Variants in CERS3 observed in about 807,000 individuals in gnomAD.
CERS3 encodes ceramide synthase 3.
In CERS3, 33 loss-of-function variants were observed where a neutral mutation model predicts 50.3. That is an observed-to-expected ratio of 0.66 (90% CI 0.50 to 0.88). CERS3 has a LOEUF of 0.88. CERS3 is among the 40% of genes least tolerant of loss of function. The pLI is 0.00. For missense variants in CERS3, 470 were observed against 460.3 expected, an observed-to-expected ratio of 1.02 and a Z score of -0.19; for synonymous variants, 176 against 155.2, an observed-to-expected ratio of 1.13 and a Z score of -0.99.
intron 2 of CERS3, among the ~76,000 whole-genome samples, chr15:100,507,788 A>ATT (rs1209737182): frequency 1.3e-5 from 2 of 152,246 alleles, no homozygotes; most frequent in African/African-American, 2.4e-5. Flanking sequence ...TCTGGAGCAG[A>ATT]CAATGCTATC....
chr15:100,511,069 T>A (rs1458504743), intron 2 of CERS3, among the ~76,000 whole-genome samples: 2 of 152,078 alleles, frequency 1.3e-5, no homozygotes, highest in Non-Finnish European at 2.9e-5. Context: ...GAGTGGATCA[T>A]CTGAGGTCAG....
At chr15:100,543,213 A>G (rs930460450) in intron 1 of CERS3, among the ~76,000 whole-genome samples, 2 of 152,138 alleles carry the variant, frequency 1.3e-5, no homozygotes, top group Non-Finnish European at 2.9e-5. Flanking sequence ...CACCTGTCAT[A>G]TTCAGGTCTA....
chr15:100,462,701 A>T (rs2034589891), intron 10 of CERS3, among the ~76,000 whole-genome samples: 1 of 152,188 alleles, frequency 6.6e-6, no homozygotes, highest in South Asian at 2.1e-4. Context: ...TTAACTCTTC[A>T]TCTGAGAAAT....
At chr15:100,542,962 G>A (rs753192795) in intron 1 of CERS3, among the ~76,000 whole-genome samples, 1 of 152,028 alleles carries the variant, frequency 6.6e-6, no homozygotes, top group Non-Finnish European at 1.5e-5. Context: ...CACCCAGGCC[G>A]GAGTGCAGTA....
At chr15:100,431,236 A>C (rs1438731643) in intron 11 of CERS3, among the ~76,000 whole-genome samples, 1 of 152,230 alleles carries the variant, frequency 6.6e-6, no homozygotes, top group African/African-American at 2.4e-5. Flanking sequence ...TGACTTCCTT[A>C]GTCTCTATAT....
At chr15:100,418,237 G>A (rs568894542) in intron 11 of CERS3, among the ~76,000 whole-genome samples, 1 of 152,120 alleles carries the variant, frequency 6.6e-6, no homozygotes, top group Non-Finnish European at 1.5e-5. Context: ...AGGGCTTAAA[G>A]GAGCTGATGG....
chr15:100,450,416 C>CAAAAAAAAA (rs34873483), intron 11 of CERS3, among the ~76,000 whole-genome samples: 1 of 63,428 alleles, frequency 1.6e-5, no homozygotes, highest in African/African-American at 6.6e-5. Context: ...GACTCTGTCT[C>CAAAAAAAAA]AAAAAAAAAA....
At chr15:100,411,235 T>C (rs2142058562) in intron 11 of CERS3, among the ~76,000 whole-genome samples, 1 of 152,338 alleles carries the variant, frequency 6.6e-6, no homozygotes, top group Non-Finnish European at 1.5e-5. Flanking sequence ...CGATCTTGGC[T>C]CACTGCAACC....
chr15:100,450,137 T>C (rs1264441590), intron 11 of CERS3, among the ~76,000 whole-genome samples: 2 of 152,056 alleles, frequency 1.3e-5, no homozygotes, highest in African/African-American at 2.4e-5. Context: ...ATAGACTAGA[T>C]TGGCCAGGTG....
rs189107457 is a variant in CERS3 at position 100,467,498 on chromosome 15, G to A, written c.845+1880C>T. 1.2e-3 allele frequency among the ~76,000 whole-genome samples: 178 copies of A among 151,834 alleles called. 4 individuals are homozygous for A. Among genetic ancestry groups the A allele is most frequent in the East Asian group, 3.3e-3 (17 of 5,156 alleles). On this transcript the variant is annotated intron_variant, in intron 10 of 11. Transcript: ENST00000679737. ...AAAACTTGCAAAAAAGATCATAGGT[G>A]GCCCTCAAAGCCTAAAATATATATT... is the stretch of plus-strand genomic sequence containing the variant.
chr15:100,474,062 A>C (rs1190821433), intron 8 of CERS3, among the ~76,000 whole-genome samples: 1 of 152,246 alleles, frequency 6.6e-6, no homozygotes, highest in Non-Finnish European at 1.5e-5. Context: ...TTCCACTTAT[A>C]TAAAATATCC....
intron 11 of CERS3, among the ~76,000 whole-genome samples, chr15:100,406,714 T>C (rs2031055883): frequency 6.6e-6 from 1 of 152,194 alleles, no homozygotes; most frequent in Admixed American, 6.5e-5. Context: ...AGGGCCATGC[T>C]TGGTTGATGC....
At chr15:100,484,889 T>G (rs1223816171) in intron 4 of CERS3, among the ~76,000 whole-genome samples, 2 of 152,192 alleles carry the variant, frequency 1.3e-5, no homozygotes, top group Non-Finnish European at 2.9e-5. Flanking sequence ...TCTAAGTTAC[T>G]GAGAAAGATC....
chr15:100,535,778 C>T (rs113228975), intron 1 of CERS3, among the ~76,000 whole-genome samples: 10,295 of 102,394 alleles, frequency 0.1, 1,585 homozygotes, highest in African/African-American at 0.15. Flanking sequence ...CATATGTGCA[C>T]GGGAAGTGGG....
upstream of CERS3, among the ~76,000 whole-genome samples, chr15:100,533,537 TTTCCTTCC>T (rs947514618): frequency 2.6e-5 from 4 of 151,048 alleles, no homozygotes; most frequent in African/African-American, 9.7e-5. Context: ...TCGTTCCTTC[TTTCCTTCC>T]TTCCTTCCCT....
chr15:100,421,035 C>G (rs1163713779), intron 11 of CERS3, among the ~76,000 whole-genome samples: 2 of 145,488 alleles, frequency 1.4e-5, no homozygotes, highest in African/African-American at 5.1e-5. Flanking sequence ...GACAGGGATG[C>G]CCTCTCTCAC....
intron 10 of CERS3, among the ~76,000 whole-genome samples, chr15:100,459,932 T>C (rs966443219): frequency 6.6e-6 from 1 of 152,140 alleles, no homozygotes. Flanking sequence ...TGAACTGCTT[T>C]TGTGGCATCT....
At chr15:100,458,273 T>C (rs2034438965) in intron 10 of CERS3, among the ~76,000 whole-genome samples, 1 of 152,194 alleles carries the variant, frequency 6.6e-6, no homozygotes, top group African/African-American at 2.4e-5. Context: ...TTGTAAGTTA[T>C]CAGTTCAAGT....
intron 10 of CERS3, among the ~76,000 whole-genome samples, chr15:100,468,962 T>C (rs894854057): frequency 6.6e-6 from 1 of 152,196 alleles, no homozygotes; most frequent in African/African-American, 2.4e-5. Context: ...AGCCAAGATA[T>C]GGGAAGGACC....
Sources: allele counts gnomAD v4.1 joint callset (sites outside exome capture counted in the v4.1 genomes callset), GRCh38; gene constraint gnomAD v4.1.1; transcripts MANE v1.5; gene names NCBI Gene and HGNC (gene_info 2026-07-23, HGNC 2026-07-21).